Variants in MACROD1 observed in about 807,000 individuals in gnomAD.
The protein encoded by MACROD1 is ADP-ribose glycohydrolase MACROD1.
MACROD1 carries 31 observed loss-of-function variants against 41.4 expected under a neutral mutation model. The observed-to-expected ratio is 0.75, with a 90% CI of 0.56 to 1.01. MACROD1 has a LOEUF of 1.01. Among genes scored for constraint, MACROD1 ranks in the 50% least tolerant of loss-of-function variants. The pLI, the probability that MACROD1 is intolerant of heterozygous loss-of-function variation, is 0.00. For missense variants in MACROD1, 473 were observed against 460.0 expected, an observed-to-expected ratio of 1.03 and a Z score of -0.26; for synonymous variants, 252 against 203.4, an observed-to-expected ratio of 1.24 and a Z score of -2.03.
intron 3 of MACROD1, among the ~76,000 whole-genome samples, chr11:64,105,694 C>T (rs371783237): frequency 6.5e-4 from 99 of 152,298 alleles, no homozygotes; most frequent in Admixed American, 2.4e-3. Context: ...TGGAGAAGAG[C>T]GGCTCCCATG....
intron 3 of MACROD1, among the ~76,000 whole-genome samples, chr11:64,121,229 G>A (rs991048038): frequency 2.0e-4 from 30 of 152,154 alleles, no homozygotes; most frequent in African/African-American, 7.2e-4. Context: ...TGCCCCAGAG[G>A]AGCTCCTTGG....
chr11:64,116,127 A>G, intron 3 of MACROD1: 4 of 1,334,642 alleles, frequency 3.0e-6, no homozygotes, highest in East Asian at 2.4e-5. Flanking sequence ...ACCCCTTGGT[A>G]CAGGCTGGCA....
At position 64,152,399 on chromosome 11, in the gene MACROD1, G is replaced by A; in HGVS notation, c.299-6C>T. ...ACTCAGGCCCTTCAGAAAGGCTGCA[G>A]AGGCAGGAAGGAGGATCAGGGTGGG... is the stretch of plus-strand genomic sequence containing the variant. On this transcript the variant is annotated splice_polypyrimidine_tract_variant and splice_region_variant and intron_variant, in intron 1 of 10. Coordinates refer to ENST00000255681, the MANE Select transcript of MACROD1 (RefSeq NM_014067.4). 1.2e-6 allele frequency: 2 copies of A among 1,612,224 alleles called. No individual in the cohort carries two copies. Among genetic ancestry groups the A allele is most frequent in the South Asian group, 1.1e-5 (1 of 91,038 alleles).
intron 3 of MACROD1, among the ~76,000 whole-genome samples, chr11:64,097,797 A>G (rs367701484): frequency 4.9e-4 from 75 of 152,294 alleles, no homozygotes; most frequent in Admixed American, 2.4e-3. Context: ...CACAGCCTCC[A>G]GAGGCCTTCC....
intron 3 of MACROD1, among the ~76,000 whole-genome samples, chr11:64,041,355 C>T (rs866826817): frequency 6.6e-6 from 1 of 152,092 alleles, no homozygotes; most frequent in South Asian, 2.1e-4. Flanking sequence ...CTCCACCCCC[C>T]GTGACGCCTG....
At chr11:63,999,426 T>A in intron 7 of MACROD1, 22 bp from the exon 8 acceptor site, 1 of 1,555,966 alleles carries the variant, frequency 6.4e-7, no homozygotes, top group Non-Finnish European at 8.7e-7. Flanking sequence ...GGGGCGGGAG[T>A]GAGTCCTAGG....
intron 4 of MACROD1, 73 bp downstream of exon 4, chr11:64,015,179 G>C: frequency 6.9e-7 from 1 of 1,448,434 alleles, no homozygotes; most frequent in African/African-American, 1.4e-5. Flanking sequence ...CCGAGGGCGA[G>C]GGGCAGGGGA....
rs571861129 is a variant in MACROD1 at position 64,013,860 on chromosome 11, T to G, written c.547+1392A>C. 3.9e-5 allele frequency among the ~76,000 whole-genome samples: 6 copies of G among 152,240 alleles called. No homozygotes were observed. The East Asian group carries it at 1.2e-3, about 29-fold the overall frequency. ...CTGCCCGGGACACCCTTCCCAGCAC[T>G]CTTCGCTGGGCTCATGCCTACGCAT... On this transcript the variant is annotated intron_variant, in intron 4 of 10. Transcript: ENST00000255681.
chr11:64,081,299 G>A (rs1004063838), intron 3 of MACROD1, among the ~76,000 whole-genome samples: 9 of 152,322 alleles, frequency 5.9e-5, no homozygotes, highest in Non-Finnish European at 1.2e-4. Flanking sequence ...TGGGATTACA[G>A]GCGTGAGCCA....
chr11:64,118,110 C>T lies in MACROD1; in HGVS notation c.517+33129G>A, dbSNP rs61735088. The T allele has an allele frequency of 1.3e-3, 2,126 of 1,611,600 alleles. 1 individual carries two copies. Among genetic ancestry groups the T allele is most frequent in the Non-Finnish European group, 1.5e-3 (1,748 of 1,178,206 alleles). ...GAAGGATAACTCCATCCTGGAAATC[C>T]GCGGCCCTGGGCTGCAGATGCTGCC... On this transcript the variant is annotated intron_variant, in intron 3 of 10. Transcript: ENST00000255681.
At position 64,146,857 on chromosome 11, in the gene MACROD1, C is replaced by G. The variant is rs901593951; in HGVS notation, c.517+4382G>C. Among the ~76,000 whole-genome samples the G allele has an allele frequency of 1.3e-5, 2 of 151,748 alleles. No individual in the cohort carries two copies. Among genetic ancestry groups the G allele is most frequent in the African/African-American group, 4.8e-5 (2 of 41,270 alleles). ...CACACACACACTCTATCACACACAC[C>G]CCACGCATCACACAAGCACAGACAC... On this transcript the variant is annotated intron_variant, in intron 3 of 10. Coordinates refer to ENST00000255681, the MANE Select transcript of MACROD1 (RefSeq NM_014067.4). This position sits in a 1 kb window ranked among gnomAD's most constrained non-coding sequence, Gnocchi z 4.7.
Position 64,118,606 on chromosome 11 carries a change from T to TC in MACROD1, c.517+32632dup, listed in dbSNP as rs951855851. The TC allele has an allele frequency of 6.2e-4, 145 of 234,398 alleles. 2 individuals are homozygous for TC. In the East Asian group the frequency reaches 0.011, roughly 17 times the overall value. 14.5% of individuals were successfully genotyped at this position (234,398 alleles called of 1,614,324 possible). ...AGGGCTGGGTTGGGTTTTTTTTTTT[T>TC]CCCCCCTGAACTGGAAGGATACTAC... On this transcript the variant is annotated intron_variant, in intron 3 of 10. Coordinates refer to ENST00000255681, the MANE Select transcript of MACROD1 (RefSeq NM_014067.4).
intron 3 of MACROD1, among the ~76,000 whole-genome samples, chr11:64,128,547 G>A (rs1043076093): frequency 9.9e-5 from 15 of 152,044 alleles, no homozygotes; most frequent in African/African-American, 2.9e-4. Context: ...CTGGCACGCC[G>A]CCCGCCTGAG....
intron 3 of MACROD1, among the ~76,000 whole-genome samples, chr11:64,066,727 G>A (rs1944013143): frequency 6.6e-6 from 1 of 151,994 alleles, no homozygotes; most frequent in Non-Finnish European, 1.5e-5. Context: ...AGAGCCCCCA[G>A]GCATGAGGCT....
Position 64,036,705 on chromosome 11 carries a change from C to T in MACROD1, c.518-21424G>A, listed in dbSNP as rs919502992. ...GCATGAGCAGCCTCCAACTTCCCTC[C>T]CTGTGCGCGCTGTGGACCGTCAGCC... On this transcript the variant is annotated intron_variant, in intron 3 of 10. Coordinates refer to ENST00000255681, the MANE Select transcript of MACROD1 (RefSeq NM_014067.4). This position sits in a 1 kb window ranked among gnomAD's most constrained non-coding sequence, Gnocchi z 5.6. Among the ~76,000 whole-genome samples, 3 of 152,132 alleles carry T rather than the reference C, an allele frequency of 2.0e-5. No homozygotes were observed. The highest frequency in any genetic ancestry group is 4.4e-5 in the Non-Finnish European group (3 of 68,014).
intron 3 of MACROD1, among the ~76,000 whole-genome samples, chr11:64,123,779 C>T (rs934900666): frequency 6.6e-6 from 1 of 152,174 alleles, no homozygotes; most frequent in Admixed American, 6.5e-5. Context: ...CTCCAATCCA[C>T]TCCTTGTGGC....
intron 3 of MACROD1, among the ~76,000 whole-genome samples, chr11:64,127,812 C>A (rs1182142798): frequency 1.3e-5 from 2 of 152,112 alleles, no homozygotes; most frequent in Non-Finnish European, 2.9e-5. Context: ...ATGCCACCAC[C>A]CCAGACGCCC....
chr11:64,158,923 C>A (rs181252498), intron 1 of MACROD1, among the ~76,000 whole-genome samples: 1 of 152,144 alleles, frequency 6.6e-6, no homozygotes, highest in Non-Finnish European at 1.5e-5. Context: ...CAGTGACTCA[C>A]GCCTGTAATC....
At chr11:64,031,065 G>A (rs972962655) in intron 3 of MACROD1, among the ~76,000 whole-genome samples, 3 of 152,118 alleles carry the variant, frequency 2.0e-5, no homozygotes. Flanking sequence ...ATGCTGAAGG[G>A]AGGGATGAGG....
Sources: allele counts gnomAD v4.1 joint callset (sites outside exome capture counted in the v4.1 genomes callset), GRCh38; gene constraint gnomAD v4.1.1; non-coding constraint Gnocchi (gnomAD v3.1); transcripts MANE v1.5; gene names NCBI Gene and HGNC (gene_info 2026-07-23, HGNC 2026-07-21).